Variants in SLC6A3 observed in about 807,000 individuals in gnomAD.
SLC6A3 encodes solute carrier family 6 member 3.
In SLC6A3, 19 loss-of-function variants were observed where a neutral mutation model predicts 70.4. The ratio of observed to expected loss-of-function variants is 0.27; its 90% CI spans 0.19 to 0.40. The LOEUF (loss-of-function observed/expected upper bound fraction) is 0.40. Among genes scored for constraint, SLC6A3 ranks in the 10% least tolerant of loss-of-function variants. SLC6A3 has a pLI of 1.00. For missense variants in SLC6A3, 613 were observed against 838.5 expected (o/e 0.73, Z 3.32); for synonymous variants, 368 against 356.6 (o/e 1.03, Z -0.36).
chr5:1,406,158 G>C lies in SLC6A3; in HGVS notation c.1599+30C>G. ...CAGAGTGGGGGCAGTGGGCAGACGG[G>C]GGAAGGGCAGGTGGCCCGAGGTCCC... On this transcript the variant is annotated intron_variant, in intron 12 of 14. Transcript: ENST00000270349. This position sits in a 1 kb window ranked among gnomAD's most constrained non-coding sequence, Gnocchi z 8.8. The C allele has an allele frequency of 6.5e-7, 1 of 1,528,196 alleles. No individual in the cohort carries two copies. Among genetic ancestry groups the C allele is most frequent in the Non-Finnish European group, 9.1e-7 (1 of 1,102,700 alleles). 94.7% of individuals were successfully genotyped at this position (1,528,196 alleles called of 1,614,324 possible).
intron 14 of SLC6A3, among the ~76,000 whole-genome samples, chr5:1,398,099 G>T: frequency 6.6e-6 from 1 of 152,114 alleles, no homozygotes; most frequent in South Asian, 2.1e-4. Context: ...AGTGGCTTAC[G>T]GCTGTAATCC....
intron 4 of SLC6A3, among the ~76,000 whole-genome samples, chr5:1,423,146 A>G (rs1485689576): frequency 9.3e-6 from 1 of 107,498 alleles, no homozygotes; most frequent in Non-Finnish European, 1.9e-5. Flanking sequence ...CTAGGTGCCC[A>G]CCGCTGCCCA....
At position 1,405,683 on chromosome 5, in the gene SLC6A3, C is replaced by G. The variant is rs1221701133; in HGVS notation, c.1599+505G>C. On this transcript the variant is annotated intron_variant, in intron 12 of 14. Transcript: ENST00000270349. The surrounding 1 kb of genome is among the most constrained non-coding windows in gnomAD (Gnocchi z 5.3). ...GCGTCCGACGGCCTTGCCCGGTGGG[C>G]CCTGACTCGGTGGCGGATGACAGAA... Among the ~76,000 whole-genome samples the G allele has an allele frequency of 6.6e-6, 1 of 152,250 alleles. No homozygotes were observed. The highest frequency in any genetic ancestry group is 2.4e-5 in the African/African-American group (1 of 41,468).
At chr5:1,416,297 G>C in intron 6 of SLC6A3, 96 bp from the exon 7 acceptor site, 1 of 834,840 alleles carries the variant, frequency 1.2e-6, no homozygotes, top group Non-Finnish European at 2.0e-6. Context: ...CCACACTGAG[G>C]CCTCTAAACT....
chr5:1,400,577 T>G (rs28363152), intron 14 of SLC6A3, among the ~76,000 whole-genome samples: 3,833 of 151,676 alleles, frequency 0.025, 143 homozygotes, highest in African/African-American at 0.087. Context: ...AGGCGGGGGG[T>G]GGTGGTCCCT....
rs192765697 is a variant in SLC6A3 at position 1,403,226 on chromosome 5, C to A, written c.1600-137G>T. Reference sequence around the variant, plus strand: ...CAGGTGCAGACCCCGGCCAGGCCTGCAGACATGGCAGCTGGGCATCCCGGG... The same window carrying A: ...CAGGTGCAGACCCCGGCCAGGCCTGAAGACATGGCAGCTGGGCATCCCGGG... On this transcript the variant is annotated intron_variant, in intron 12 of 14. Transcript: ENST00000270349. The A allele has an allele frequency of 1.1e-3, 1,031 of 958,830 alleles. 7 individuals are homozygous for A. The African/African-American group carries it at 0.015, about 14-fold the overall frequency. The allele number at this position is 958,830 out of a possible 1,614,324, so 59.4% of individuals were successfully genotyped here. A position where few individuals can be genotyped will look rare whatever the true frequency, so the allele number is the denominator to read the frequency against.
rs374982994 is a variant in SLC6A3, at chr5:1,416,217, G to A, written c.928-16C>T. The A allele has an allele frequency of 2.2e-5, 35 of 1,596,870 alleles. No homozygotes were observed. The highest frequency in any genetic ancestry group is 6.7e-5 in the Admixed American group (4 of 59,972). On this transcript the variant is annotated splice_polypyrimidine_tract_variant and intron_variant, in intron 6 of 14. Transcript: ENST00000270349. The stretch of plus-strand genomic sequence containing the variant: ...CAATCCAAACCTGCAGAGCCAGAGG[G>A]CGGTGAGAGGCTGTCCCAGGAGAAC...
In SLC6A3 at chr5:1,393,119, T is replaced by C. The variant is rs1372018429; in HGVS notation, c.*1616A>G. 1 of 150,642 alleles carries C rather than the reference T, an allele frequency of 6.6e-6. No individual in the cohort carries two copies. Among genetic ancestry groups the C allele is most frequent in the African/African-American group, 2.4e-5 (1 of 40,838 alleles). The allele number at this position is 150,642 out of a possible 1,614,324, so 9.3% of individuals were successfully genotyped here. On this transcript the variant is annotated 3_prime_UTR_variant, in exon 15 of 15. Transcript: ENST00000270349. ...GTGCTAACTGCAGCTGCCTGGCAGT[T>C]CACAGGCTGACGGCTCCCACCGAGC...
chr5:1,443,613 T>C (rs2937639), intron 1 of SLC6A3, among the ~76,000 whole-genome samples: 75,783 of 152,170 alleles, frequency 0.5, 19,976 homozygotes, highest in Non-Finnish European at 0.59. Context: ...AGAGAGCAAT[T>C]TTACAATCTT....
rs182331562 is a variant in SLC6A3, at chr5:1,442,830, G to A, written c.286+82C>T. The A allele has an allele frequency of 7.9e-4, 1,128 of 1,425,018 alleles. 5 individuals are homozygous for A. In the African/African-American group the frequency reaches 0.012, roughly 16 times the overall value. 88.3% of individuals were successfully genotyped at this position (1,425,018 alleles called of 1,614,324 possible). A position where few individuals can be genotyped will look rare whatever the true frequency, so the allele number is the denominator to read the frequency against. On this transcript the variant is annotated intron_variant, in intron 2 of 14. Coordinates refer to ENST00000270349, the MANE Select transcript of SLC6A3 (RefSeq NM_001044.5). This position sits in a 1 kb window ranked among gnomAD's most constrained non-coding sequence, Gnocchi z 5.0. The stretch of plus-strand genomic sequence containing the variant: ...TCACGCATGGGAACAGCTTCATCTC[G>A]TTTCCGTACGTGCCTTGGCCCCGGC...
At chr5:1,407,561 GA>G (rs920964787) in intron 11 of SLC6A3, among the ~76,000 whole-genome samples, 1 of 152,232 alleles carries the variant, frequency 6.6e-6, no homozygotes, top group African/African-American at 2.4e-5. Flanking sequence ...ATTTAGATGA[GA>G]GGGGCGTGGA....
At position 1,408,289 on chromosome 5, in the gene SLC6A3, A is replaced by G. The variant is rs10074171; in HGVS notation, c.1498+737T>C. Among the ~76,000 whole-genome samples, 51,395 of 147,698 alleles carry G rather than the reference A, an allele frequency of 0.35. 10,655 individuals are homozygous for G. Among genetic ancestry groups the G allele is most frequent in the African/African-American group, 0.6 (23,903 of 40,104 alleles). ...GATCTCTTGATCTCGTGATCTGCCC[A>G]CCTCGGCCTCCCAAAGTGCTGGGAT... On this transcript the variant is annotated intron_variant, in intron 11 of 14. Coordinates refer to ENST00000270349, the MANE Select transcript of SLC6A3 (RefSeq NM_001044.5). This position sits in a 1 kb window ranked among gnomAD's most constrained non-coding sequence, Gnocchi z 6.4.
Position 1,401,144 on chromosome 5 carries a change from C to A in SLC6A3, c.1768-158G>T, listed in dbSNP as rs757879493. 1.4e-6 allele frequency: 1 copy of A among 708,518 alleles called. No individual in the cohort carries two copies. The highest frequency in any genetic ancestry group is 2.7e-5 in the East Asian group (1 of 37,250). 43.9% of individuals were successfully genotyped at this position (708,518 alleles called of 1,614,324 possible). ...CCCGCTGGCATCCATATCACCAGCGCCCACCACTGACTTACACTGCCAGTG... is the reference window on the plus strand; with the variant it reads ...CCCGCTGGCATCCATATCACCAGCGACCACCACTGACTTACACTGCCAGTG... On this transcript the variant is annotated intron_variant, in intron 13 of 14. Coordinates refer to ENST00000270349, the MANE Select transcript of SLC6A3 (RefSeq NM_001044.5). The surrounding 1 kb of genome is among the most constrained non-coding windows in gnomAD (Gnocchi z 6.1).
At position 1,406,173 on chromosome 5, in the gene SLC6A3, C is replaced by T; in HGVS notation, c.1599+15G>A. On this transcript the variant is annotated intron_variant, in intron 12 of 14. Coordinates refer to ENST00000270349, the MANE Select transcript of SLC6A3 (RefSeq NM_001044.5). This position sits in a 1 kb window ranked among gnomAD's most constrained non-coding sequence, Gnocchi z 8.8. ...GGGCAGACGGGGGAAGGGCAGGTGGCCCGAGGTCCCTTACCAGGAGAAAGC... is the reference window on the plus strand; with the variant it reads ...GGGCAGACGGGGGAAGGGCAGGTGGTCCGAGGTCCCTTACCAGGAGAAAGC... 3.1e-6 allele frequency: 5 copies of T among 1,594,890 alleles called. No individual in the cohort carries two copies. The highest frequency in any genetic ancestry group is 1.7e-5 in the Admixed American group (1 of 59,988).
At chr5:1,422,122 A>G in intron 4 of SLC6A3, 108 bp from the exon 5 acceptor site, 3 of 1,225,920 alleles carry the variant, frequency 2.4e-6, no homozygotes, top group Middle Eastern at 2.7e-4. Flanking sequence ...GCAGGGCAGA[A>G]AGCATCCAGT....
chr5:1,415,289 C>T (rs466630), intron 7 of SLC6A3, among the ~76,000 whole-genome samples: 1 of 151,496 alleles, frequency 6.6e-6, no homozygotes, highest in East Asian at 1.9e-4. Context: ...GGAGGCAAGC[C>T]GAGGACGAAG....
intron 6 of SLC6A3, among the ~76,000 whole-genome samples, chr5:1,418,767 C>T (rs760098550): frequency 2.2e-4 from 33 of 151,418 alleles, no homozygotes; most frequent in Non-Finnish European, 4.0e-4. Context: ...TCCATGCTGT[C>T]CAGCTACCTA....
At position 1,429,235 on chromosome 5, in the gene SLC6A3, A is replaced by G. The variant is rs548956703; in HGVS notation, c.653+3229T>C. On this transcript the variant is annotated intron_variant, in intron 4 of 14. Transcript: ENST00000270349. ...GAGTCACTGGGGCCTGTTTCAGGGGAACCTCAGTCCCACTGGTGGGAAAAT... is the reference window on the plus strand; with the variant it reads ...GAGTCACTGGGGCCTGTTTCAGGGGGACCTCAGTCCCACTGGTGGGAAAAT... 2.0e-5 allele frequency among the ~76,000 whole-genome samples: 3 copies of G among 152,290 alleles called. No homozygotes were observed. In the East Asian group the frequency reaches 5.8e-4, roughly 29 times the overall value.
Position 1,404,832 on chromosome 5 carries a change from T to C in SLC6A3, c.1599+1356A>G, listed in dbSNP as rs1043896799. On this transcript the variant is annotated intron_variant, in intron 12 of 14. Coordinates refer to ENST00000270349, the MANE Select transcript of SLC6A3 (RefSeq NM_001044.5). This position sits in a 1 kb window ranked among gnomAD's most constrained non-coding sequence, Gnocchi z 5.2. ...TAGTTTGTAGTTTTATCTAAAAGTC[T>C]ACGAAGTGTGTTTCTGTATGAAGTT... Among the ~76,000 whole-genome samples the C allele has an allele frequency of 6.6e-6, 1 of 152,272 alleles. No individual in the cohort carries two copies. The highest frequency in any genetic ancestry group is 1.5e-5 in the Non-Finnish European group (1 of 68,042).
Sources: allele counts gnomAD v4.1 joint callset (sites outside exome capture counted in the v4.1 genomes callset), GRCh38; gene constraint gnomAD v4.1.1; non-coding constraint Gnocchi (gnomAD v3.1); transcripts MANE v1.5; gene names NCBI Gene and HGNC (gene_info 2026-07-23, HGNC 2026-07-21).